Variants in GRIN2D observed in about 807,000 individuals in gnomAD.
GRIN2D encodes glutamate ionotropic receptor NMDA type subunit 2D, also known as glutamate receptor ionotropic, NMDA 2D.
GRIN2D carries 37 observed loss-of-function variants against 103.2 expected under a neutral mutation model. The observed-to-expected ratio is 0.36, with a 90% confidence interval of 0.28 to 0.47. The LOEUF is 0.47. GRIN2D is among the 20% of genes least tolerant of loss of function. GRIN2D has a pLI of 1.00. For missense variants in GRIN2D, 1,557 were observed against 1,910.6 expected (o/e 0.81, Z 3.45); for synonymous variants, 845 against 885.6 (o/e 0.95, Z 0.81).
intron 8 of GRIN2D, among the ~76,000 whole-genome samples, chr19:48,418,881 T>C (rs1172523988): frequency 1.3e-5 from 2 of 152,036 alleles, no homozygotes; most frequent in Admixed American, 1.3e-4. Context: ...CAGAAATGCC[T>C]GCGACGGCTC....
At chr19:48,415,287 C>G (rs1427282787) in intron 7 of GRIN2D, among the ~76,000 whole-genome samples, 2 of 152,042 alleles carry the variant, frequency 1.3e-5, no homozygotes, top group Admixed American at 1.3e-4. Context: ...AGGAGAATTG[C>G]TTGAACCCGG....
At chr19:48,428,645 G>A (rs868706626) in intron 11 of GRIN2D, among the ~76,000 whole-genome samples, 2 of 152,136 alleles carry the variant, frequency 1.3e-5, no homozygotes, top group South Asian at 2.1e-4. Context: ...TTACAGGCGT[G>A]AGCCACTGCG....
rs942437697 is a variant in GRIN2D, at chr19:48,414,385, G to A, written c.1213G>A (p.Glu405Lys). ...DRTWEVVGSW[E>K]QQTLRLKYPL... ...CCCTTTGGCCAAGGTGGGCAGCTGG[G>A]AGCAGCAGACGCTCCGCCTCAAGTA... is the stretch of plus-strand genomic sequence containing the variant. Residue 405 changes from glutamate to lysine, a missense_variant, in exon 6 of 14, where the codon GAG becomes AAG. Physicochemically the swap from Glu to Lys is moderately conservative, Grantham distance 56 (BLOSUM62 1). Coordinates refer to ENST00000263269, the MANE Select transcript of GRIN2D (RefSeq NM_000836.4). This position sits in a 1 kb window ranked among gnomAD's most constrained non-coding sequence, Gnocchi z 4.6. 6.2e-7 allele frequency: 1 copy of A among 1,606,150 alleles called. No individual in the cohort carries two copies. The highest frequency in any genetic ancestry group is 2.2e-5 in the East Asian group (1 of 44,704).
At chr19:48,433,240 C>T (rs905959658) in intron 11 of GRIN2D, among the ~76,000 whole-genome samples, 7 of 151,454 alleles carry the variant, frequency 4.6e-5, no homozygotes, top group African/African-American at 1.5e-4. Context: ...TGATGGTGGG[C>T]GCCTGTAATC....
chr19:48,443,227 C>T lies in GRIN2D; in HGVS notation c.3301C>T (p.Pro1101Ser). The change falls in exon 14 of 14, where the codon CCC becomes TCC. Residue 1101 changes from proline (P) to serine (S), a missense_variant. By Grantham distance (74) the Pro-to-Ser change is moderately conservative. Coordinates refer to ENST00000263269, the MANE Select transcript of GRIN2D (RefSeq NM_000836.4). The surrounding 1 kb of genome is among the most constrained non-coding windows in gnomAD (Gnocchi z 8.9). The part of the protein sequence containing the change: ...AAPPPCRAAP[P>S]PCPYLDLEPS... ...TCCGCCCCCGTGCCGCGCCGCGCCG[C>T]CCCCGTGCCCTTACCTCGATCTCGA... 1 of 1,373,134 alleles carries T rather than the reference C, an allele frequency of 7.3e-7. No individual in the cohort carries two copies. Among genetic ancestry groups the T allele is most frequent in the Non-Finnish European group, 9.5e-7 (1 of 1,053,426 alleles). 85.1% of individuals were successfully genotyped at this position (1,373,134 alleles called of 1,614,324 possible). A position where few individuals can be genotyped will look rare whatever the true frequency, so the allele number is the denominator to read the frequency against.
rs755944791 is a variant in GRIN2D at position 48,404,943 on chromosome 19, T to C, written c.675T>C (p.Pro225=). 5 of 1,612,976 alleles carry C rather than the reference T, an allele frequency of 3.1e-6. No individual in the cohort carries two copies. The South Asian group carries it at 4.4e-5, about 14-fold the overall frequency. Residue 225 remains proline (P), a synonymous_variant, in exon 4 of 14, where the codon CCT becomes CCC. Coordinates refer to ENST00000263269, the MANE Select transcript of GRIN2D (RefSeq NM_000836.4). The part of the protein sequence containing the change: ...WEHRGALTLD[P]GAGEAVLSAQ... ...ACCGCGGAGCGCTGACGCTGGACCC[T>C]GGGGCGGGCGAGGCCGTGCTCAGTG...
chr19:48,442,596 G>C lies in GRIN2D; in HGVS notation c.2674-4G>C. The C allele has an allele frequency of 6.7e-7, 1 of 1,503,438 alleles. No individual in the cohort carries two copies. Among genetic ancestry groups the C allele is most frequent in the Non-Finnish European group, 8.8e-7 (1 of 1,132,024 alleles). The allele number at this position is 1,503,438 out of a possible 1,614,324, so 93.1% of individuals were successfully genotyped here. Reference sequence around the variant, plus strand: ...TGACCCCCGTCCTGTCCCCGGACCCGCAGGGCATGTACAGCTGCTGCAGCG... The same window carrying C: ...TGACCCCCGTCCTGTCCCCGGACCCCCAGGGCATGTACAGCTGCTGCAGCG... On this transcript the variant is annotated splice_region_variant and splice_polypyrimidine_tract_variant and intron_variant, in intron 13 of 13. Coordinates refer to ENST00000263269, the MANE Select transcript of GRIN2D (RefSeq NM_000836.4). This position sits in a 1 kb window ranked among gnomAD's most constrained non-coding sequence, Gnocchi z 7.2.
In GRIN2D at chr19:48,405,040, CG is replaced by C; in HGVS notation, c.773del (p.Arg258ProfsTer69). 6.2e-7 allele frequency: 1 copy of C among 1,610,996 alleles called. No homozygotes were observed. The highest frequency in any genetic ancestry group is 2.2e-5 in the East Asian group (1 of 44,816). ...CCGAGAGGAGGCCGAGCCCGTGTTC[CG>C]CGCAGCTGAGGAGGCTGGCCTCACT... is the stretch of plus-strand genomic sequence containing the variant. ...CAREEAEPVF[R>X]AAEEAGLTGS... On this transcript the variant is annotated frameshift_variant, in exon 4 of 14. Transcript: ENST00000263269. LOFTEE classifies it high-confidence loss of function. The surrounding 1 kb of genome is among the most constrained non-coding windows in gnomAD (Gnocchi z 5.1).
intron 11 of GRIN2D, among the ~76,000 whole-genome samples, chr19:48,433,710 C>T (rs1487804808): frequency 6.6e-6 from 1 of 152,194 alleles, no homozygotes; most frequent in African/African-American, 2.4e-5. Flanking sequence ...AATATCAAGG[C>T]CCCTTTCCGT....
Position 48,442,840 on chromosome 19 carries a change from G to T in GRIN2D, c.2914G>T (p.Gly972Cys). 1 of 1,078,412 alleles carries T rather than the reference G, an allele frequency of 9.3e-7. No homozygotes were observed. Among genetic ancestry groups the T allele is most frequent in the Non-Finnish European group, 1.1e-6 (1 of 890,924 alleles). 66.8% of individuals were successfully genotyped at this position (1,078,412 alleles called of 1,614,324 possible). The change falls in exon 14 of 14, where the codon GGC becomes TGC. Residue 972 changes from glycine to cysteine, a missense_variant. Gly to Cys is a radical substitution (Grantham distance 159). Transcript: ENST00000263269. This position sits in a 1 kb window ranked among gnomAD's most constrained non-coding sequence, Gnocchi z 7.2. ...HRYYGPIEPQ[G>C]LGLGLGEARA... ...CTACTACGGCCCCATCGAGCCGCAG[G>T]GCCTAGGCCTCGGCCTGGGCGAAGC...
In GRIN2D at chr19:48,442,950, C is replaced by T; in HGVS notation, c.3024C>T (p.Phe1008=). The change falls in exon 14 of 14, where the codon TTC becomes TTT. Residue 1008 remains phenylalanine, a synonymous_variant. Coordinates refer to ENST00000263269, the MANE Select transcript of GRIN2D (RefSeq NM_000836.4). The surrounding 1 kb of genome is among the most constrained non-coding windows in gnomAD (Gnocchi z 7.2). ...CGCAGAAGCCGCCGCCCTCCTATTT[C>T]GCCATCGTACGCGACAAGGAGCCAG... ...QPPQKPPPSY[F]AIVRDKEPAE... 8.7e-7 allele frequency: 1 copy of T among 1,147,082 alleles called. No homozygotes were observed. Among genetic ancestry groups the T allele is most frequent in the Non-Finnish European group, 1.1e-6 (1 of 923,464 alleles). 71.1% of individuals were successfully genotyped at this position (1,147,082 alleles called of 1,614,324 possible). A position where few individuals can be genotyped will look rare whatever the true frequency, so the allele number is the denominator to read the frequency against.
intron 11 of GRIN2D, among the ~76,000 whole-genome samples, chr19:48,428,453 C>G (rs556678483): frequency 6.6e-6 from 1 of 151,522 alleles, no homozygotes; most frequent in East Asian, 1.9e-4. Flanking sequence ...CTCCACCTCC[C>G]GGGTTCCAGT....
At chr19:48,436,639 T>A (rs988833646) in intron 11 of GRIN2D, among the ~76,000 whole-genome samples, 6 of 152,244 alleles carry the variant, frequency 3.9e-5, no homozygotes, top group Non-Finnish European at 8.8e-5. Flanking sequence ...CAAAGTTGGT[T>A]TGGCCTATGC....
intron 4 of GRIN2D, among the ~76,000 whole-genome samples, chr19:48,410,201 A>G (rs971542597): frequency 2.0e-5 from 3 of 150,732 alleles, no homozygotes; most frequent in Admixed American, 6.6e-5. Flanking sequence ...TGGGACCACA[A>G]TAGTTCCAAG....
intron 11 of GRIN2D, among the ~76,000 whole-genome samples, chr19:48,423,323 C>T (rs1032412233): frequency 5.3e-5 from 8 of 152,166 alleles, no homozygotes; most frequent in South Asian, 2.1e-4. Context: ...TCAGTCCTTC[C>T]GTGTGCATTT....
Position 48,393,833 on chromosome 19 carries a change from C to T in GRIN2D, c.-341C>T, listed in dbSNP as rs1231339393. Among the ~76,000 whole-genome samples the T allele has an allele frequency of 2.6e-5, 4 of 152,116 alleles. No individual in the cohort carries two copies. The East Asian group carries it at 7.8e-4, about 30-fold the overall frequency. ...GTGTTGCCTGGGTAGGTCGGCCCGG[C>T]CCCCAGGGGTCTCTCGAGCGTCTGC... On this transcript the variant is annotated 5_prime_UTR_variant, in exon 1 of 14. Transcript: ENST00000263269. The surrounding 1 kb of genome is among the most constrained non-coding windows in gnomAD (Gnocchi z 5.6).
chr19:48,408,283 G>C (rs925949820), intron 4 of GRIN2D, among the ~76,000 whole-genome samples: 4 of 149,202 alleles, frequency 2.7e-5, no homozygotes, highest in Non-Finnish European at 5.9e-5. Context: ...GCAGTGAGCC[G>C]AGATCGAGCC....
At chr19:48,436,068 C>T (rs1243327316) in intron 11 of GRIN2D, among the ~76,000 whole-genome samples, 1 of 152,178 alleles carries the variant, frequency 6.6e-6, no homozygotes, top group Non-Finnish European at 1.5e-5. Flanking sequence ...AGTGGGTTCA[C>T]GTTGCCCGCT....
At chr19:48,395,721 G>A (rs968769777) in intron 2 of GRIN2D, among the ~76,000 whole-genome samples, 1 of 152,054 alleles carries the variant, frequency 6.6e-6, no homozygotes, top group Non-Finnish European at 1.5e-5. Context: ...GGGTGACTAG[G>A]GAGGCCAGAG....
Sources: gnomAD v4.1 joint callset for allele counts (sites outside exome capture counted in the v4.1 genomes callset) on GRCh38, gnomAD v4.1.1 for gene constraint, Gnocchi (gnomAD v3.1) non-coding constraint, MANE v1.5 for transcripts, NCBI Gene and HGNC (gene_info 2026-07-23, HGNC 2026-07-21) for gene names.